GAS2: variants seen among roughly 807,000 people sequenced by gnomAD.
GAS2 encodes the protein growth arrest specific 2, also known as growth arrest-specific protein 2.
GAS2 carries 20 observed loss-of-function variants against 37.5 expected under a neutral mutation model. The ratio of observed to expected loss-of-function variants is 0.53; its 90% CI spans 0.37 to 0.77. GAS2 has a LOEUF of 0.77. Ranked by LOEUF, GAS2 falls within the 30% of genes least tolerant of loss-of-function variation. The pLI is 0.00. For synonymous variants in GAS2, 144 were observed against 132.2 expected (o/e 1.09, Z -0.61); for missense variants, 336 against 373.4 (o/e 0.90, Z 0.82).
intron 2 of GAS2, among the ~76,000 whole-genome samples, chr11:22,675,318 A>T (rs1849376286): frequency 6.6e-6 from 1 of 152,154 alleles, no homozygotes. Flanking sequence ...CATGCAGCTG[A>T]CCAATTTGAC....
intron 7 of GAS2, among the ~76,000 whole-genome samples, chr11:22,772,954 G>A (rs1855063791): frequency 6.6e-6 from 1 of 152,108 alleles, no homozygotes; most frequent in Non-Finnish European, 1.5e-5. Context: ...CTCTTTTTCA[G>A]TCCTAGAATA....
At chr11:22,685,075 G>A (rs933492861) in intron 2 of GAS2, among the ~76,000 whole-genome samples, 2 of 152,036 alleles carry the variant, frequency 1.3e-5, no homozygotes, top group African/African-American at 4.8e-5. Flanking sequence ...CGAGGCTGGA[G>A]GATTGCTTGA....
chr11:22,647,809 G>T (rs950491042), intron 1 of GAS2, among the ~76,000 whole-genome samples: 10 of 152,232 alleles, frequency 6.6e-5, no homozygotes, highest in Admixed American at 5.9e-4. Context: ...GTTCATTGTA[G>T]ATTCTGGATA....
At chr11:22,680,393 A>T (rs778550684) in intron 2 of GAS2, among the ~76,000 whole-genome samples, 1 of 152,138 alleles carries the variant, frequency 6.6e-6, no homozygotes, top group Non-Finnish European at 1.5e-5. Flanking sequence ...GATTTTGCAT[A>T]TAATGAACTG....
rs1858882478 is a variant in GAS2 at position 22,639,442 on chromosome 11, TA to T, written c.-21+13632del. Among the ~76,000 whole-genome samples the T allele has an allele frequency of 2.0e-5, 3 of 152,234 alleles. No individual in the cohort carries two copies. The South Asian group carries it at 6.2e-4, about 31-fold the overall frequency. On this transcript the variant is annotated intron_variant, in intron 1 of 5. Transcript: ENST00000528582. ...GAGCCAAATAAATATCCTTTCTTTC[TA>T]AATTACCAGTCTGTGGTATTCTGTT...
At chr11:22,756,013 G>A in intron 7 of GAS2, 60 bp downstream of exon 7, 1 of 1,199,190 alleles carries the variant, frequency 8.3e-7, no homozygotes. Context: ...TTGAGTTAGG[G>A]GAAATATGAC....
In GAS2 at chr11:22,812,043, C is replaced by A; in HGVS notation, c.*27C>A. On this transcript the variant is annotated 3_prime_UTR_variant, in exon 8 of 8. Coordinates refer to ENST00000454584, the MANE Select transcript of GAS2 (RefSeq NM_001143830.3). ...ACAAATTGGTCATGACAAGGGGACC[C>A]TCATAATGGCCTGTATCCACTTCTC... 1 of 1,522,184 alleles carries A rather than the reference C, an allele frequency of 6.6e-7. No individual in the cohort carries two copies. Among genetic ancestry groups the A allele is most frequent in the Non-Finnish European group, 9.1e-7 (1 of 1,096,810 alleles). 94.3% of individuals were successfully genotyped at this position (1,522,184 alleles called of 1,614,324 possible).
At chr11:22,793,167 G>C (rs1446967054) in intron 7 of GAS2, among the ~76,000 whole-genome samples, 1 of 152,108 alleles carries the variant, frequency 6.6e-6, no homozygotes, top group African/African-American at 2.4e-5. Flanking sequence ...CCAGCTACTA[G>C]AGAGCCTGAG....
In GAS2 at chr11:22,703,571, G is replaced by A. The variant is rs139749205; in HGVS notation, c.267+17782G>A. ...AAAAGGCTGAAATTTGGGGGAAAGAGTTGCTTTTTCATTTAAAAATGTCTG... is the reference window on the plus strand; with the variant it reads ...AAAAGGCTGAAATTTGGGGGAAAGAATTGCTTTTTCATTTAAAAATGTCTG... On this transcript the variant is annotated intron_variant, in intron 3 of 7. Coordinates refer to ENST00000454584, the MANE Select transcript of GAS2 (RefSeq NM_001143830.3). Among the ~76,000 whole-genome samples, 462 of 152,266 alleles carry A rather than the reference G, an allele frequency of 3.0e-3. 1 individual carries two copies. Among genetic ancestry groups the A allele is most frequent in the African/African-American group, 0.01 (428 of 41,568 alleles).
chr11:22,745,965 G>A (rs941566452), intron 5 of GAS2, among the ~76,000 whole-genome samples: 5 of 152,060 alleles, frequency 3.3e-5, no homozygotes, highest in African/African-American at 1.2e-4. Context: ...ACCCCAGTTT[G>A]AGACGAGCTC....
At chr11:22,656,067 A>C (rs1848850979) in intron 1 of GAS2, among the ~76,000 whole-genome samples, 1 of 152,196 alleles carries the variant, frequency 6.6e-6, no homozygotes, top group Admixed American at 6.5e-5. Flanking sequence ...CTGTGGACCA[A>C]ATTTATTCAT....
At chr11:22,775,466 T>C (rs1022440267) in intron 7 of GAS2, among the ~76,000 whole-genome samples, 1 of 152,202 alleles carries the variant, frequency 6.6e-6, no homozygotes, top group Non-Finnish European at 1.5e-5. Context: ...CATGTTGATT[T>C]TGGCTTATTC....
intron 1 of GAS2, among the ~76,000 whole-genome samples, chr11:22,646,423 G>A (rs1240144462): frequency 6.6e-6 from 1 of 152,102 alleles, no homozygotes; most frequent in Non-Finnish European, 1.5e-5. Context: ...ACAATTTAGA[G>A]TACACCAAAT....
chr11:22,695,340 C>A (rs574198606), intron 3 of GAS2, among the ~76,000 whole-genome samples: 5 of 151,854 alleles, frequency 3.3e-5, no homozygotes, highest in Non-Finnish European at 5.9e-5. Context: ...AAAAAAGACT[C>A]TTTATTCTGT....
At chr11:22,661,656 A>G (rs1360595962), upstream of GAS2, among the ~76,000 whole-genome samples, 2 of 152,196 alleles carry the variant, frequency 1.3e-5, no homozygotes, top group Non-Finnish European at 2.9e-5. Flanking sequence ...AAGGTAAAAG[A>G]TCATTTTGGT....
intron 3 of GAS2, among the ~76,000 whole-genome samples, chr11:22,696,330 T>C (rs1850514357): frequency 6.6e-6 from 1 of 152,094 alleles, no homozygotes. Flanking sequence ...ATTTTCTTAA[T>C]CCAGTCTATC....
intron 2 of GAS2, among the ~76,000 whole-genome samples, chr11:22,685,204 T>C (rs991961153): frequency 2.6e-5 from 4 of 152,094 alleles, no homozygotes; most frequent in Non-Finnish European, 5.9e-5. Flanking sequence ...GTTCTTGTAG[T>C]CAGACATACA....
upstream of GAS2, among the ~76,000 whole-genome samples, chr11:22,665,174 G>A (rs1200823486): frequency 6.6e-6 from 1 of 152,012 alleles, no homozygotes; most frequent in Non-Finnish European, 1.5e-5. Context: ...CACCAATAAT[G>A]AACAATGTGA....
intron 7 of GAS2, among the ~76,000 whole-genome samples, chr11:22,801,023 A>G (rs1483376979): frequency 1.3e-5 from 2 of 150,714 alleles, no homozygotes; most frequent in Non-Finnish European, 2.9e-5. Flanking sequence ...TGTGATCTAC[A>G]TGAATGTAGA....
Sources: allele counts gnomAD v4.1 joint callset (sites outside exome capture counted in the v4.1 genomes callset), GRCh38; gene constraint gnomAD v4.1.1; transcripts MANE v1.5; gene names NCBI Gene and HGNC (gene_info 2026-07-23, HGNC 2026-07-21).